TYW1B: variants seen among roughly 807,000 people sequenced by gnomAD.
The protein encoded by TYW1B is tRNA-yW synthesizing protein 1 homolog B.
TYW1B carries 73 observed loss-of-function variants against 86.9 expected under a neutral mutation model. That is an observed-to-expected ratio of 0.84 (90% CI 0.70 to 1.02). TYW1B has a LOEUF of 1.02. Ranked by LOEUF, TYW1B falls within the 50% of genes least tolerant of loss-of-function variation. TYW1B has a pLI of 0.00. For missense variants in TYW1B, 637 were observed against 827.4 expected (o/e 0.77, Z 2.82); for synonymous variants, 248 against 292.8 (o/e 0.85, Z 1.56).
chr7:72,770,492 C>A (rs1787849091), intron 7 of TYW1B, among the ~76,000 whole-genome samples: 1 of 147,712 alleles, frequency 6.8e-6, no homozygotes, highest in Non-Finnish European at 1.5e-5. Flanking sequence ...AACCATTTCA[C>A]AACCATAAAA....
chr7:72,606,217 A>T (rs1169817950), intron 13 of TYW1B, among the ~76,000 whole-genome samples: 1 of 152,160 alleles, frequency 6.6e-6, no homozygotes, highest in Non-Finnish European at 1.5e-5. Context: ...AAGAGTCCCA[A>T]GTAAAGGCTG....
At position 72,713,731 on chromosome 7, in the gene TYW1B, G is replaced by A. The variant is rs782649480; in HGVS notation, c.1260C>T (p.Leu420=). 1.9e-5 allele frequency: 30 copies of A among 1,613,110 alleles called. No homozygotes were observed. In the East Asian group the frequency reaches 5.1e-4, roughly 28 times the overall value. Residue 420 remains leucine, a synonymous_variant, in exon 10 of 14, where the codon CTC becomes CTT. Transcript: ENST00000620995. ...CTGGGTACATTATTGGTTCTCCCAC[G>A]AGGGACAATGCACAGTGCTTTACCG... ...GMTVKHCALS[L]VGEPIMYPEI...
intron 11 of TYW1B, among the ~76,000 whole-genome samples, chr7:72,636,199 G>A (rs557956052): frequency 3.9e-5 from 6 of 152,114 alleles, no homozygotes; most frequent in South Asian, 4.1e-4. Flanking sequence ...GCTTTGTTAT[G>A]GTACTATCTT....
chr7:72,671,462 A>C (rs1813599895), intron 11 of TYW1B, among the ~76,000 whole-genome samples: 1 of 152,182 alleles, frequency 6.6e-6, no homozygotes, highest in Admixed American at 6.5e-5. Context: ...TTTTCTTCAC[A>C]TGAATGTATG....
At chr7:72,728,038 T>C (rs2129571006) in intron 9 of TYW1B, among the ~76,000 whole-genome samples, 1 of 152,294 alleles carries the variant, frequency 6.6e-6, no homozygotes, top group African/African-American at 2.4e-5. Context: ...GCTGAATTTT[T>C]ACCACATTAC....
chr7:72,802,755 G>A (rs532339511), intron 5 of TYW1B, among the ~76,000 whole-genome samples: 2 of 152,106 alleles, frequency 1.3e-5, no homozygotes, highest in African/African-American at 4.8e-5. Context: ...CAAGTAGCTA[G>A]GATCACAGGC....
chr7:72,681,004 T>C (rs540543493), intron 11 of TYW1B, among the ~76,000 whole-genome samples: 90 of 152,338 alleles, frequency 5.9e-4, no homozygotes, highest in African/African-American at 2.0e-3. Flanking sequence ...AATTACCTAC[T>C]GTAATGTTTC....
rs138817479 is a variant in TYW1B, at chr7:72,695,071, C to A, written c.1371-249G>T. The stretch of plus-strand genomic sequence containing the variant: ...ATTGAATTACTTAAAATTGGCCCTT[C>A]TTCAAATACTAAGTTTGAATGGAAA... On this transcript the variant is annotated intron_variant, in intron 10 of 13. Transcript: ENST00000620995. Among the ~76,000 whole-genome samples the A allele has an allele frequency of 2.3e-4, 35 of 152,252 alleles. No homozygotes were observed. The East Asian group carries it at 5.4e-3, about 23-fold the overall frequency.
chr7:72,645,179 AACTG>A (rs1554441897), intron 11 of TYW1B, among the ~76,000 whole-genome samples: 1 of 152,162 alleles, frequency 6.6e-6, no homozygotes, highest in African/African-American at 2.4e-5. Context: ...ACACCTGATA[AACTG>A]ACTACATTGA....
intron 11 of TYW1B, among the ~76,000 whole-genome samples, chr7:72,635,326 G>A (rs1554440591): frequency 1.3e-5 from 2 of 152,126 alleles, no homozygotes. Flanking sequence ...AATTACTGTT[G>A]CTTTACACTA....
chr7:72,603,838 C>T (rs1477213402), intron 13 of TYW1B, among the ~76,000 whole-genome samples: 3 of 152,058 alleles, frequency 2.0e-5, no homozygotes, highest in African/African-American at 2.4e-5. Flanking sequence ...CAAAATCCCT[C>T]GAGTACCCCT....
chr7:72,734,972 T>C (rs186082457), intron 8 of TYW1B, among the ~76,000 whole-genome samples: 241 of 152,270 alleles, frequency 1.6e-3, no homozygotes, highest in African/African-American at 4.8e-3. Flanking sequence ...GACAAGGATG[T>C]GGAGAAAGGG....
At chr7:72,604,336 C>T (rs1554434417) in intron 13 of TYW1B, among the ~76,000 whole-genome samples, 1 of 152,024 alleles carries the variant, frequency 6.6e-6, no homozygotes, top group African/African-American at 2.4e-5. Flanking sequence ...GTGGCGTGCG[C>T]TTGTAATCCC....
chr7:72,713,280 G>A (rs1466450982), intron 10 of TYW1B, among the ~76,000 whole-genome samples: 5 of 109,944 alleles, frequency 4.5e-5, no homozygotes, highest in African/African-American at 1.8e-4. Context: ...AAGCCGGGGA[G>A]ACAGAGTGAG....
At chr7:72,687,901 T>C (rs1287220119) in intron 11 of TYW1B, among the ~76,000 whole-genome samples, 1 of 151,886 alleles carries the variant, frequency 6.6e-6, no homozygotes, top group East Asian at 1.9e-4. Context: ...AAAAAAAAAT[T>C]TTTTAGCCAG....
At chr7:72,644,103 C>T (rs1399670647) in intron 11 of TYW1B, among the ~76,000 whole-genome samples, 7 of 152,060 alleles carry the variant, frequency 4.6e-5, no homozygotes, top group African/African-American at 1.7e-4. Flanking sequence ...AAAATCAACG[C>T]AATTCACCAT....
intron 5 of TYW1B, among the ~76,000 whole-genome samples, chr7:72,805,873 T>G (rs572303336): frequency 8.5e-5 from 13 of 152,156 alleles, no homozygotes; most frequent in Non-Finnish European, 1.6e-4. Context: ...GTAAAGTTGC[T>G]GCTGAATTAT....
At position 72,800,113 on chromosome 7, in the gene TYW1B, T is replaced by C. The variant is rs138623408; in HGVS notation, c.846+2287A>G. ...ATAATCCATCTGATTCTACTATCTATATAATTTTTTCAACATTCAGCATTT... is the reference window on the plus strand; with the variant it reads ...ATAATCCATCTGATTCTACTATCTACATAATTTTTTCAACATTCAGCATTT... On this transcript the variant is annotated intron_variant, in intron 6 of 13. Coordinates refer to ENST00000620995, the MANE Select transcript of TYW1B (RefSeq NM_001145440.3). Among the ~76,000 whole-genome samples the C allele has an allele frequency of 2.6e-5, 4 of 152,292 alleles. No homozygotes were observed. The East Asian group carries it at 5.8e-4, about 22-fold the overall frequency.
At chr7:72,656,415 G>A (rs1264718092) in intron 11 of TYW1B, among the ~76,000 whole-genome samples, 5 of 152,134 alleles carry the variant, frequency 3.3e-5, no homozygotes, top group Non-Finnish European at 7.4e-5. Flanking sequence ...AAGAAAGCAT[G>A]ATACCTCTTG....
Sources: gnomAD v4.1 joint callset for allele counts (sites outside exome capture counted in the v4.1 genomes callset) on GRCh38, gnomAD v4.1.1 for gene constraint, MANE v1.5 for transcripts, NCBI Gene and HGNC (gene_info 2026-07-23, HGNC 2026-07-21) for gene names.